TRIM24: variants seen among roughly 807,000 people sequenced by gnomAD.
The protein encoded by TRIM24 is tripartite motif containing 24.
A neutral mutation model predicts 123.9 loss-of-function variants in TRIM24; 29 were observed. The observed-to-expected ratio is 0.23, with a 90% CI of 0.17 to 0.32. The LOEUF is 0.32. Ranked by LOEUF, TRIM24 falls within the 10% of genes least tolerant of loss-of-function variation. The pLI is 1.00. For synonymous variants in TRIM24, 456 were observed against 461.1 expected, an observed-to-expected ratio of 0.99 and a Z score of 0.14; for missense variants, 932 against 1,295.3, an observed-to-expected ratio of 0.72 and a Z score of 4.31.
At chr7:138,541,689 A>G (rs1161835419) in intron 7 of TRIM24, among the ~76,000 whole-genome samples, 1 of 152,200 alleles carries the variant, frequency 6.6e-6, no homozygotes, top group East Asian at 1.9e-4. Context: ...TCCTTTGAGG[A>G]TTTGAAGCCA....
At chr7:138,566,594 C>G (rs974435919) in intron 9 of TRIM24, among the ~76,000 whole-genome samples, 3 of 152,076 alleles carry the variant, frequency 2.0e-5, no homozygotes, top group African/African-American at 7.2e-5. Context: ...GCTAAGCACC[C>G]GAACATGTTT....
chr7:138,577,946 T>C (rs112097106), intron 14 of TRIM24, among the ~76,000 whole-genome samples: 4,263 of 152,222 alleles, frequency 0.028, 169 homozygotes, highest in African/African-American at 0.089. Context: ...CTTGATAATA[T>C]GAATCATCAA....
At chr7:138,511,382 C>T (rs1796284808) in intron 2 of TRIM24, among the ~76,000 whole-genome samples, 1 of 151,474 alleles carries the variant, frequency 6.6e-6, no homozygotes, top group Non-Finnish European at 1.5e-5. Flanking sequence ...CTCACTGCAA[C>T]CTCTGCCTCC....
intron 1 of TRIM24, among the ~76,000 whole-genome samples, chr7:138,468,673 C>G (rs1460947628): frequency 6.6e-6 from 1 of 151,956 alleles, no homozygotes; most frequent in Non-Finnish European, 1.5e-5. Context: ...TCTCTTTGTT[C>G]CTGCTTGGCC....
rs552329281 is a variant in TRIM24, at chr7:138,499,069, T to G, written c.365-5221T>G. 9.8e-5 allele frequency among the ~76,000 whole-genome samples: 15 copies of G among 152,326 alleles called. No individual in the cohort carries two copies. In the East Asian group the frequency reaches 2.9e-3, roughly 29 times the overall value. On this transcript the variant is annotated intron_variant, in intron 1 of 18. Transcript: ENST00000343526. ...GGAGAGTTGAAATCAACAAATGTAA[T>G]GTGGATTTGTCTTTTTTTTTAATTT...
intron 1 of TRIM24, among the ~76,000 whole-genome samples, chr7:138,489,016 A>G (rs1015502163): frequency 2.0e-5 from 3 of 152,152 alleles, no homozygotes; most frequent in Non-Finnish European, 4.4e-5. Context: ...GACTTGCTGT[A>G]TGAATCTGGG....
rs577004429 is a variant in TRIM24 at position 138,580,548 on chromosome 7, T to C, written c.2586-14T>C. 4 of 1,602,912 alleles carry C rather than the reference T, an allele frequency of 2.5e-6. No individual in the cohort carries two copies. The highest frequency in any genetic ancestry group is 2.7e-5 in the African/African-American group (2 of 74,342). On this transcript the variant is annotated splice_polypyrimidine_tract_variant and intron_variant, in intron 15 of 18. Coordinates refer to ENST00000343526, the MANE Select transcript of TRIM24 (RefSeq NM_015905.3). ...GATGCATTAGGAATTCAAAAGTACA[T>C]TGTCCCCTAACAGTGGAGAGTGGAT... is the stretch of plus-strand genomic sequence containing the variant.
rs939710317 is a variant in TRIM24, at chr7:138,460,315, G to A, written c.-234G>A. The A allele has an allele frequency of 1.1e-4, 44 of 403,290 alleles. No homozygotes were observed. The highest frequency in any genetic ancestry group is 6.3e-4 in the Middle Eastern group (1 of 1,584). The allele number at this position is 403,290 out of a possible 1,614,324, so 25.0% of individuals were successfully genotyped here. ...GCGGACGGGGTGCAGCCTCCCCGGT[G>A]CGAGGAACGGTCTCCGCTGACAGAT... On this transcript the variant is annotated 5_prime_UTR_variant, in exon 1 of 19. Transcript: ENST00000343526.
intron 2 of TRIM24, among the ~76,000 whole-genome samples, chr7:138,508,680 T>TGA (rs777842191): frequency 1.0e-5 from 1 of 97,110 alleles, no homozygotes; most frequent in Non-Finnish European, 2.1e-5. Context: ...TGTGTGTGTG[T>TGA]GTGTGTGTGT....
chr7:138,546,909 A>T (rs1316099710), intron 7 of TRIM24, among the ~76,000 whole-genome samples: 2 of 152,230 alleles, frequency 1.3e-5, no homozygotes, highest in East Asian at 3.8e-4. Context: ...TAGAAGTATC[A>T]TGATCCAGCA....
At chr7:138,464,103 T>C (rs1221792524) in intron 1 of TRIM24, among the ~76,000 whole-genome samples, 1 of 148,554 alleles carries the variant, frequency 6.7e-6, no homozygotes, top group Non-Finnish European at 1.5e-5. Flanking sequence ...CAGGCCATTC[T>C]CCTGCCTCAG....
chr7:138,548,880 G>A (rs940605779), intron 7 of TRIM24, among the ~76,000 whole-genome samples: 6 of 152,228 alleles, frequency 3.9e-5, no homozygotes, highest in South Asian at 2.1e-4. Flanking sequence ...CAATATCACT[G>A]TCTTACACCT....
intron 2 of TRIM24, 43 bp downstream of exon 2, chr7:138,504,451 T>A: frequency 2.6e-6 from 2 of 777,326 alleles, no homozygotes; most frequent in African/African-American, 1.9e-5. Flanking sequence ...CCAGCTCTTT[T>A]TTTTTTTTTT....
rs1794944321 is a variant in TRIM24, at chr7:138,460,803, C to G, written c.255C>G (p.Pro85=). 29 of 1,581,856 alleles carry G rather than the reference C, an allele frequency of 1.8e-5. No individual in the cohort carries two copies. Among genetic ancestry groups the G allele is most frequent in the Non-Finnish European group, 2.5e-5 (29 of 1,167,804 alleles). Residue 85 remains proline, a synonymous_variant, in exon 1 of 19, where the codon CCC becomes CCG. Transcript: ENST00000343526. The stretch of plus-strand genomic sequence containing the variant: ...TCTGCCAGCGCTGCCTGCCCGCGCC[C>G]CAGCGCTACCTCATGCTGCCCGCGC... ...HSFCQRCLPA[P]QRYLMLPAPM... is the part of the protein sequence containing the mutation.
At chr7:138,462,901 C>G (rs1172570486) in intron 1 of TRIM24, among the ~76,000 whole-genome samples, 1 of 151,114 alleles carries the variant, frequency 6.6e-6, no homozygotes, top group African/African-American at 2.4e-5. Flanking sequence ...CGGAGTCTCG[C>G]TCTTCTTGCC....
At chr7:138,480,271 C>G (rs1795499274) in intron 1 of TRIM24, among the ~76,000 whole-genome samples, 2 of 152,174 alleles carry the variant, frequency 1.3e-5, no homozygotes, top group Non-Finnish European at 2.9e-5. Flanking sequence ...GCCTGCCCCA[C>G]TTTTATGTTA....
At chr7:138,513,304 T>TG (rs1341037405) in intron 2 of TRIM24, among the ~76,000 whole-genome samples, 1 of 152,204 alleles carries the variant, frequency 6.6e-6, no homozygotes, top group African/African-American at 2.4e-5. Flanking sequence ...ATTACCCAGT[T>TG]GCAAAGCTGC....
chr7:138,555,545 C>G (rs1034395791), intron 9 of TRIM24, among the ~76,000 whole-genome samples: 1 of 149,580 alleles, frequency 6.7e-6, no homozygotes, highest in Admixed American at 6.7e-5. Flanking sequence ...TGCAATGACA[C>G]GATCTCAGCT....
chr7:138,545,949 G>A (rs1359610756), intron 7 of TRIM24, among the ~76,000 whole-genome samples: 11 of 152,134 alleles, frequency 7.2e-5, no homozygotes, highest in Middle Eastern at 3.2e-3. Flanking sequence ...ATTATTTGGG[G>A]GAGAAGTTGA....
Sources: gnomAD v4.1 joint callset for allele counts (sites outside exome capture counted in the v4.1 genomes callset) on GRCh38, gnomAD v4.1.1 for gene constraint, MANE v1.5 for transcripts, NCBI Gene and HGNC (gene_info 2026-07-23, HGNC 2026-07-21) for gene names.